The following CDH12 variants were observed in gnomAD, a reference collection of about 807,000 sequenced individuals.
CDH12 encodes the protein cadherin-12.
CDH12 carries 41 observed loss-of-function variants against 74.1 expected under a neutral mutation model. The ratio of observed to expected loss-of-function variants is 0.55; its 90% CI spans 0.43 to 0.72. The LOEUF is 0.72. Among genes scored for constraint, CDH12 ranks in the 30% least tolerant of loss-of-function variants. The probability of loss-of-function intolerance (pLI) is 0.00; values close to 1 mark genes in which losing one functional copy is unlikely to be tolerated. For synonymous variants in CDH12, 399 were observed against 355.0 expected (o/e 1.12, Z -1.39); for missense variants, 945 against 977.2 (o/e 0.97, Z 0.44).
rs1314332999 is a variant in CDH12 at position 22,071,661 on chromosome 5, C to T, written c.231+6785G>A. On this transcript the variant is annotated intron_variant, in intron 5 of 14. Coordinates refer to ENST00000382254, the MANE Select transcript of CDH12 (RefSeq NM_004061.5). ...AATTTTCCCTAGAGTATATTAACCA[C>T]TTATGGTTTTAACTACCATCTGTAT... Among the ~76,000 whole-genome samples, 4 of 151,994 alleles carry T rather than the reference C, an allele frequency of 2.6e-5. No individual in the cohort carries two copies. The South Asian group carries it at 8.3e-4, about 31-fold the overall frequency.
At chr5:22,448,214 C>A (rs927495335) in intron 2 of CDH12, among the ~76,000 whole-genome samples, 2 of 150,718 alleles carry the variant, frequency 1.3e-5, no homozygotes, top group African/African-American at 4.9e-5. Flanking sequence ...AGAAATTAAG[C>A]ATTACAAAAG....
At chr5:22,323,091 T>C (rs1162087550) in intron 3 of CDH12, among the ~76,000 whole-genome samples, 3 of 152,182 alleles carry the variant, frequency 2.0e-5, no homozygotes, top group Non-Finnish European at 4.4e-5. Context: ...CCATTTGTAA[T>C]TGATCAGCAA....
At chr5:22,824,615 C>T (rs1355965598) in intron 1 of CDH12, among the ~76,000 whole-genome samples, 1 of 151,778 alleles carries the variant, frequency 6.6e-6, no homozygotes, top group Admixed American at 6.6e-5. Flanking sequence ...ATTAAATAGT[C>T]AGGGATTTTT....
At position 22,054,028 on chromosome 5, in the gene CDH12, G is replaced by GT. The variant is rs201729732; in HGVS notation, c.231+24417dup. Reference sequence around the variant, plus strand: ...GGCTAGAAGTTGAAGAACACGACTTGTTTTTTTTTAATTTTTATTATTTAC... The same window carrying GT: ...GGCTAGAAGTTGAAGAACACGACTTGTTTTTTTTTTAATTTTTATTATTTAC... On this transcript the variant is annotated intron_variant, in intron 5 of 14. Coordinates refer to ENST00000382254, the MANE Select transcript of CDH12 (RefSeq NM_004061.5). 7.7e-4 allele frequency among the ~76,000 whole-genome samples: 116 copies of GT among 150,898 alleles called. 1 individual carries two copies. Among genetic ancestry groups the GT allele is most frequent in the Admixed American group, 5.4e-3 (81 of 15,126 alleles).
intron 1 of CDH12, among the ~76,000 whole-genome samples, chr5:22,723,703 C>T (rs1252038039): frequency 1.3e-5 from 2 of 151,882 alleles, no homozygotes; most frequent in Non-Finnish European, 2.9e-5. Context: ...TTTATTTTCC[C>T]CTCCTGTTTT....
At chr5:22,013,922 C>A (rs1737445098) in intron 5 of CDH12, among the ~76,000 whole-genome samples, 1 of 151,916 alleles carries the variant, frequency 6.6e-6, no homozygotes, top group African/African-American at 2.4e-5. Flanking sequence ...TGAGAAATTG[C>A]CTTATAAAAA....
At chr5:22,273,613 C>T (rs1033260820) in intron 3 of CDH12, among the ~76,000 whole-genome samples, 2 of 152,120 alleles carry the variant, frequency 1.3e-5, no homozygotes, top group East Asian at 1.9e-4. Context: ...GCGTCTTTTC[C>T]GTGCATTTCC....
At chr5:22,851,566 T>G (rs1299973831) in intron 1 of CDH12, among the ~76,000 whole-genome samples, 2 of 152,162 alleles carry the variant, frequency 1.3e-5, no homozygotes, top group African/African-American at 4.8e-5. Flanking sequence ...TCAGTAGTTT[T>G]CATAGAAGGT....
rs138402148 is a variant in CDH12 at position 21,889,491 on chromosome 5, T to C, written c.527-34701A>G. ...ACAGACATTGCCTTTGTGGGGCTTA[T>C]CTTTTGAAAGAAAAATATATTACCA... On this transcript the variant is annotated intron_variant, in intron 6 of 14. Transcript: ENST00000382254. 3.0e-4 allele frequency: 218 copies of C among 726,568 alleles called. 1 individual carries two copies. The African/African-American group carries it at 3.9e-3, about 13-fold the overall frequency. The allele number at this position is 726,568 out of a possible 1,614,324, so 45.0% of individuals were successfully genotyped here. A position where few individuals can be genotyped will look rare whatever the true frequency, so the allele number is the denominator to read the frequency against.
chr5:22,065,831 A>G (rs979971580), intron 5 of CDH12, among the ~76,000 whole-genome samples: 6 of 152,194 alleles, frequency 3.9e-5, no homozygotes, highest in African/African-American at 1.4e-4. Context: ...TGGCATGTTT[A>G]CCAATAAACC....
At chr5:22,232,609 A>G (rs568630342) in intron 3 of CDH12, among the ~76,000 whole-genome samples, 1 of 151,786 alleles carries the variant, frequency 6.6e-6, no homozygotes, top group Non-Finnish European at 1.5e-5. Context: ...GTATTGAAAT[A>G]TGGTACTAGA....
In CDH12 at chr5:22,439,122, C is replaced by T. The variant is rs139009911; in HGVS notation, c.-427-33771G>A. Among the ~76,000 whole-genome samples the T allele has an allele frequency of 5.6e-3, 850 of 151,870 alleles. 8 individuals carry two copies. Among genetic ancestry groups the T allele is most frequent in the African/African-American group, 0.019 (808 of 41,492 alleles). On this transcript the variant is annotated intron_variant, in intron 2 of 14. Coordinates refer to ENST00000382254, the MANE Select transcript of CDH12 (RefSeq NM_004061.5). The stretch of plus-strand genomic sequence containing the variant: ...CCAAACAAAGGGAAATAATACAAAA[C>T]TTGCATTATGACCTCCATTATTAAT...
At chr5:22,150,974 G>C (rs953882157) in intron 4 of CDH12, among the ~76,000 whole-genome samples, 22 of 152,170 alleles carry the variant, frequency 1.4e-4, no homozygotes, top group Non-Finnish European at 2.5e-4. Flanking sequence ...GAGTAGTCTT[G>C]GCCTTAGCTG....
At chr5:22,804,345 T>C (rs951170300) in intron 1 of CDH12, among the ~76,000 whole-genome samples, 1 of 152,114 alleles carries the variant, frequency 6.6e-6, no homozygotes, top group Non-Finnish European at 1.5e-5. Context: ...TATTTCTCTT[T>C]TGTTGAGGAA....
At chr5:22,820,004 C>CATAT (rs1561054135) in intron 1 of CDH12, among the ~76,000 whole-genome samples, 1 of 145,008 alleles carries the variant, frequency 6.9e-6, no homozygotes, top group African/African-American at 2.5e-5. Flanking sequence ...CATATATATA[C>CATAT]ATATACATAT....
chr5:22,381,380 A>G (rs1741751585), intron 3 of CDH12, among the ~76,000 whole-genome samples: 1 of 152,090 alleles, frequency 6.6e-6, no homozygotes, highest in South Asian at 2.1e-4. Context: ...GTAAATAGGT[A>G]GTGTTTGTTA....
intron 2 of CDH12, among the ~76,000 whole-genome samples, chr5:22,483,093 C>G (rs1158394221): frequency 3.9e-5 from 6 of 152,048 alleles, no homozygotes; most frequent in African/African-American, 1.4e-4. Flanking sequence ...TGAAGATATA[C>G]AGATTTTTTT....
Position 22,777,159 on chromosome 5 carries a change from A to T in CDH12, c.-523+75899T>A, listed in dbSNP as rs1324128844. 2.6e-5 allele frequency among the ~76,000 whole-genome samples: 4 copies of T among 152,160 alleles called. No individual in the cohort carries two copies. In the East Asian group the frequency reaches 7.7e-4, roughly 29 times the overall value. ...CACTACTCCCCAAAACAGAAAAAAA[A>T]TCTAGTGAAGAAATAATGCAGAAAG... On this transcript the variant is annotated intron_variant, in intron 1 of 14. Transcript: ENST00000382254.
At chr5:22,068,412 G>C (rs2150213713) in intron 5 of CDH12, among the ~76,000 whole-genome samples, 1 of 152,280 alleles carries the variant, frequency 6.6e-6, no homozygotes, top group East Asian at 1.9e-4. Flanking sequence ...CAGTATTATA[G>C]GCTCTCTGGG....
Sources: allele counts gnomAD v4.1 joint callset (sites outside exome capture counted in the v4.1 genomes callset), GRCh38; gene constraint gnomAD v4.1.1; transcripts MANE v1.5; gene names NCBI Gene and HGNC (gene_info 2026-07-23, HGNC 2026-07-21).